DLD: variants seen among roughly 807,000 people sequenced by gnomAD.
The protein encoded by DLD is dihydrolipoyl dehydrogenase, mitochondrial.
Under a neutral mutation model 62.2 loss-of-function variants are expected in DLD, and 36 were observed. That is an observed-to-expected ratio of 0.58 (90% CI 0.44 to 0.76). DLD has a LOEUF of 0.76. DLD is among the 30% of genes least tolerant of loss of function. The pLI, the probability that DLD is intolerant of heterozygous loss-of-function variation, is 0.00. For missense variants in DLD, 541 were observed against 608.6 expected, an observed-to-expected ratio of 0.89 and a Z score of 1.17; for synonymous variants, 204 against 199.6, an observed-to-expected ratio of 1.02 and a Z score of -0.19.
chr7:107,892,357 G>A (rs1354433165), intron 1 of DLD, among the ~76,000 whole-genome samples: 2 of 152,128 alleles, frequency 1.3e-5, no homozygotes, highest in Non-Finnish European at 2.9e-5. Context: ...ATTTTCCTAA[G>A]TTACCTTGTC....
At chr7:107,891,383 G>A (rs1436598785) in intron 1 of DLD, 94 bp downstream of exon 1, 9 of 1,318,234 alleles carry the variant, frequency 6.8e-6, no homozygotes, top group Admixed American at 5.0e-5. Context: ...TTGGGCTGGC[G>A]GAGGCGGGCG....
chr7:107,900,850 C>G (rs2031859320), intron 2 of DLD, among the ~76,000 whole-genome samples: 1 of 152,046 alleles, frequency 6.6e-6, no homozygotes, highest in South Asian at 2.1e-4. Context: ...TTGGGGTTGT[C>G]AGGACAGTGG....
At position 107,906,281 on chromosome 7, in the gene DLD, A is replaced by T. The variant is rs768248572; in HGVS notation, c.597A>T (p.Thr199=). 1.2e-5 allele frequency: 19 copies of T among 1,584,654 alleles called. No homozygotes were observed. The highest frequency in any genetic ancestry group is 1.5e-5 in the Non-Finnish European group (17 of 1,153,500). The part of the protein sequence containing the change: ...PFPGITIDED[T]IVSSTGALSL... The stretch of plus-strand genomic sequence containing the variant: ...TTTTCTTACAGATAGATGAAGATAC[A>T]ATAGTGTCATCTACAGGTGCTTTAT... Residue 199 remains threonine, a synonymous_variant, in exon 8 of 14, where the codon ACA becomes ACT. Coordinates refer to ENST00000205402, the MANE Select transcript of DLD (RefSeq NM_000108.5).
intron 8 of DLD, among the ~76,000 whole-genome samples, chr7:107,915,012 C>G (rs1003435449): frequency 6.6e-6 from 1 of 152,208 alleles, no homozygotes. Context: ...GAGCAACACT[C>G]TTGCCCCAGT....
At chr7:107,897,326 A>G (rs910512998) in intron 2 of DLD, among the ~76,000 whole-genome samples, 1 of 152,248 alleles carries the variant, frequency 6.6e-6, no homozygotes, top group Non-Finnish European at 1.5e-5. Flanking sequence ...GCAATAGAAC[A>G]TAATGGTATA....
intron 11 of DLD, 47 bp from the exon 12 acceptor site, chr7:107,917,877 G>T (rs777851755): frequency 1.9e-6 from 3 of 1,612,876 alleles, no homozygotes; most frequent in East Asian, 2.2e-5. Context: ...AAATTGGAAA[G>T]AACTTTTCTG....
At chr7:107,902,911 C>T (rs2031910847) in intron 4 of DLD, among the ~76,000 whole-genome samples, 1 of 152,036 alleles carries the variant, frequency 6.6e-6, no homozygotes, top group Admixed American at 6.6e-5. Context: ...ATATACTATT[C>T]CATGTAGAGA....
chr7:107,905,813 TCAAAA>T (rs1223092464), intron 7 of DLD: 5 of 382,186 alleles, frequency 1.3e-5, no homozygotes, highest in Non-Finnish European at 2.4e-5. Context: ...TATAGATACC[TCAAAA>T]CAAATAAATG....
In DLD at chr7:107,908,285, A is replaced by G. The variant is rs183553898; in HGVS notation, c.684+1917A>G. Among the ~76,000 whole-genome samples the G allele has an allele frequency of 9.1e-3, 1,381 of 151,020 alleles. 19 individuals are homozygous for G. The highest frequency in any genetic ancestry group is 0.032 in the African/African-American group (1,311 of 41,170). On this transcript the variant is annotated intron_variant, in intron 8 of 13. Transcript: ENST00000205402. ...CCTGCCTCAGCCTCCCAAGTAGCTG[A>G]GACTACAGGCGCCCGCCAGCACGCC... is the stretch of plus-strand genomic sequence containing the variant.
intron 8 of DLD, among the ~76,000 whole-genome samples, chr7:107,906,573 G>C (rs1241946003): frequency 2.0e-5 from 3 of 151,928 alleles, no homozygotes; most frequent in Non-Finnish European, 4.4e-5. Context: ...CTTTATTTTA[G>C]TCTGTTTCCT....
chr7:107,903,526 T>C lies in DLD; in HGVS notation c.316T>C (p.Phe106Leu). The part of the protein sequence containing the change: ...HYYHMAHGKD[F>L]ASRGIEMSEV... ...TTACCATATGGCCCATGGAAAAGAT[T>C]TTGCATCTAGAGGAATTGAAAGTAA... Residue 106 changes from phenylalanine (F) to leucine (L), a missense_variant, in exon 5 of 14, where the codon TTT becomes CTT. Phe to Leu is a conservative substitution (Grantham distance 22). Transcript: ENST00000205402. 6.3e-7 allele frequency: 1 copy of C among 1,597,964 alleles called. No individual in the cohort carries two copies. The highest frequency in any genetic ancestry group is 8.6e-7 in the Non-Finnish European group (1 of 1,165,916).
intron 11 of DLD, 49 bp from the exon 12 acceptor site, chr7:107,917,875 A>C (rs756181093): frequency 6.2e-7 from 1 of 1,612,738 alleles, no homozygotes; most frequent in Admixed American, 1.7e-5. Context: ...ACAAATTGGA[A>C]AGAACTTTTC....
Position 107,921,151 on chromosome 7 carries a change from C to T in DLD, c.*1892C>T, listed in dbSNP as rs2032400605. The T allele has an allele frequency of 6.6e-6, 1 of 152,272 alleles. No individual in the cohort carries two copies. Among genetic ancestry groups the T allele is most frequent in the Non-Finnish European group, 1.5e-5 (1 of 68,018 alleles). 9.4% of individuals were successfully genotyped at this position (152,272 alleles called of 1,614,324 possible). A position where few individuals can be genotyped will look rare whatever the true frequency, so the allele number is the denominator to read the frequency against. On this transcript the variant is annotated 3_prime_UTR_variant, in exon 14 of 14. Coordinates refer to ENST00000205402, the MANE Select transcript of DLD (RefSeq NM_000108.5). ...ATTCAGTATGAGAATGCAAATTTATCTGTATGGGGAATAAAGTCCTAGGAA... is the reference window on the plus strand; with the variant it reads ...ATTCAGTATGAGAATGCAAATTTATTTGTATGGGGAATAAAGTCCTAGGAA...
At chr7:107,915,039 T>C (rs956493884) in intron 8 of DLD, among the ~76,000 whole-genome samples, 2 of 152,210 alleles carry the variant, frequency 1.3e-5, no homozygotes, top group Admixed American at 1.3e-4. Flanking sequence ...GGTAGTTCAT[T>C]GCCTCACTCC....
chr7:107,906,902 GA>G (rs2032021898), intron 8 of DLD, among the ~76,000 whole-genome samples: 2 of 152,086 alleles, frequency 1.3e-5, no homozygotes, highest in Non-Finnish European at 2.9e-5. Flanking sequence ...CTCCATTTTA[GA>G]GTCACTGTGC....
chr7:107,906,438 T>C (rs1302498949), intron 8 of DLD, 70 bp downstream of exon 8: 1 of 952,958 alleles, frequency 1.0e-6, no homozygotes, highest in East Asian at 2.4e-5. Flanking sequence ...CCCTTTTTGA[T>C]TTTTTGTATA....
rs10680033 is a variant in DLD, at chr7:107,892,531, CTTTATTTA to C, written c.40-645_40-638del. 9.4e-5 allele frequency among the ~76,000 whole-genome samples: 14 copies of C among 149,704 alleles called. No individual in the cohort carries two copies. The South Asian group carries it at 1.1e-3, about 11-fold the overall frequency. ...AGTATTTAAGTTAGAACTTTCAGAGCTTTATTTATTTATTTATTTATTTATTTATTTTG... is the reference window on the plus strand; with the variant it reads ...AGTATTTAAGTTAGAACTTTCAGAGCTTTATTTATTTATTTATTTATTTTG... On this transcript the variant is annotated intron_variant, in intron 1 of 13. Coordinates refer to ENST00000205402, the MANE Select transcript of DLD (RefSeq NM_000108.5).
At chr7:107,897,738 C>T (rs576427329) in intron 2 of DLD, among the ~76,000 whole-genome samples, 6 of 151,936 alleles carry the variant, frequency 3.9e-5, no homozygotes, top group African/African-American at 1.4e-4. Flanking sequence ...ACCACTATGC[C>T]CAGCTAATTT....
intron 5 of DLD, 98 bp from the exon 6 acceptor site, chr7:107,904,860 A>G: frequency 4.9e-6 from 4 of 817,476 alleles, no homozygotes; most frequent in Non-Finnish European, 8.3e-6. Flanking sequence ...TGCCTTTTAT[A>G]AGCATTAGGT....
Sources: allele counts gnomAD v4.1 joint callset (sites outside exome capture counted in the v4.1 genomes callset), GRCh38; gene constraint gnomAD v4.1.1; transcripts MANE v1.5; gene names NCBI Gene and HGNC (gene_info 2026-07-23, HGNC 2026-07-21).